The following GBE1 variants were observed in gnomAD, a reference collection of about 807,000 sequenced individuals.
GBE1 encodes the protein 1,4-alpha-glucan-branching enzyme.
GBE1 carries 70 observed loss-of-function variants against 88.8 expected under a neutral mutation model. That is an observed-to-expected ratio of 0.79 (90% CI 0.65 to 0.96). GBE1 has a LOEUF of 0.96. GBE1 is among the 40% of genes least tolerant of loss of function. The pLI, the probability that GBE1 is intolerant of heterozygous loss-of-function variation, is 0.00. For missense variants in GBE1, 872 were observed against 871.0 expected (o/e 1.00, Z -0.01); for synonymous variants, 284 against 300.1 (o/e 0.95, Z 0.56).
intron 7 of GBE1, among the ~76,000 whole-genome samples, chr3:81,621,016 C>T (rs1035765705): frequency 4.6e-5 from 7 of 152,276 alleles, no homozygotes; most frequent in South Asian, 2.1e-4. Flanking sequence ...AAGGACCTCA[C>T]GGAGGCGGGC....
At chr3:81,597,558 C>T (rs926954683) in intron 7 of GBE1, among the ~76,000 whole-genome samples, 6 of 148,280 alleles carry the variant, frequency 4.0e-5, no homozygotes. Context: ...TAGCTCTTAG[C>T]TTTATATCTT....
intron 14 of GBE1, among the ~76,000 whole-genome samples, chr3:81,517,031 T>C (rs530310773): frequency 3.3e-5 from 5 of 151,540 alleles, no homozygotes; most frequent in Non-Finnish European, 7.4e-5. Flanking sequence ...GTAATCTTTA[T>C]CAACTAAGTG....
chr3:81,656,869 A>G lies in GBE1; in HGVS notation c.430-6948T>C, dbSNP rs547770023. Among the ~76,000 whole-genome samples the G allele has an allele frequency of 6.8e-4, 104 of 152,230 alleles. 2 individuals carry two copies. Among genetic ancestry groups the G allele is most frequent in the African/African-American group, 2.3e-3 (96 of 41,564 alleles). ...GAGAGAAGGGACTTTAAAAATGTGAATTTGTGCCCGGGTGTGTGGCTCACG... is the reference window on the plus strand; with the variant it reads ...GAGAGAAGGGACTTTAAAAATGTGAGTTTGTGCCCGGGTGTGTGGCTCACG... On this transcript the variant is annotated intron_variant, in intron 3 of 15. Coordinates refer to ENST00000429644, the MANE Select transcript of GBE1 (RefSeq NM_000158.4).
chr3:81,722,048 C>A (rs1345179890), intron 1 of GBE1, among the ~76,000 whole-genome samples: 2 of 152,142 alleles, frequency 1.3e-5, no homozygotes, highest in Non-Finnish European at 2.9e-5. Flanking sequence ...CAGTAATCAT[C>A]ATCATTGTAA....
intron 7 of GBE1, among the ~76,000 whole-genome samples, chr3:81,601,165 AG>A (rs1704028259): frequency 6.6e-6 from 1 of 152,142 alleles, no homozygotes; most frequent in African/African-American, 2.4e-5. Flanking sequence ...GAAAAGAAAA[AG>A]GAATTCAAAG....
At chr3:81,651,486 C>T (rs1421717065) in intron 3 of GBE1, among the ~76,000 whole-genome samples, 2 of 152,076 alleles carry the variant, frequency 1.3e-5, no homozygotes, top group African/African-American at 4.8e-5. Flanking sequence ...AGCTAATCAT[C>T]GCCAGGTGTT....
chr3:81,714,544 ATATAATTCCTGTAAC>A (rs1355392149), intron 1 of GBE1, among the ~76,000 whole-genome samples: 6 of 152,284 alleles, frequency 3.9e-5, no homozygotes, highest in African/African-American at 1.4e-4. Context: ...TATAAACAAG[ATATAATTCCTGTAAC>A]TATATTAGAT....
At chr3:81,745,996 T>C (rs566179959) in intron 1 of GBE1, among the ~76,000 whole-genome samples, 3 of 152,128 alleles carry the variant, frequency 2.0e-5, no homozygotes, top group African/African-American at 7.2e-5. Flanking sequence ...TTCATTTAGA[T>C]AAAAGAAACT....
At chr3:81,723,618 C>T (rs1034831795) in intron 1 of GBE1, among the ~76,000 whole-genome samples, 1 of 152,026 alleles carries the variant, frequency 6.6e-6, no homozygotes, top group Non-Finnish European at 1.5e-5. Context: ...GCTTCAATAC[C>T]TATTTTCCTT....
chr3:81,672,012 G>A (rs2107116511), intron 2 of GBE1, among the ~76,000 whole-genome samples: 1 of 151,924 alleles, frequency 6.6e-6, no homozygotes, highest in South Asian at 2.1e-4. Flanking sequence ...ATTCAGGAGA[G>A]GACACTTGAA....
chr3:81,500,634 TG>T (rs1212731681), intron 14 of GBE1, among the ~76,000 whole-genome samples: 1 of 152,190 alleles, frequency 6.6e-6, no homozygotes, highest in East Asian at 1.9e-4. Context: ...TCAAAAGCAA[TG>T]GTTCCCAACC....
chr3:81,736,020 G>A (rs1478212809), intron 1 of GBE1, among the ~76,000 whole-genome samples: 1 of 152,092 alleles, frequency 6.6e-6, no homozygotes, highest in Non-Finnish European at 1.5e-5. Flanking sequence ...TATCCATGAA[G>A]CCAAAGCACT....
At chr3:81,701,374 A>G (rs1406989166) in intron 2 of GBE1, among the ~76,000 whole-genome samples, 2 of 152,168 alleles carry the variant, frequency 1.3e-5, no homozygotes, top group African/African-American at 4.8e-5. Flanking sequence ...CTGTTTTCCT[A>G]CTAGTTTTTT....
intron 12 of GBE1, among the ~76,000 whole-genome samples, chr3:81,550,014 G>A (rs1488241376): frequency 6.6e-6 from 1 of 151,290 alleles, no homozygotes; most frequent in African/African-American, 2.4e-5. Context: ...GAAATAAAAA[G>A]GATGAGTAAT....
intron 1 of GBE1, chr3:81,743,538 G>T (rs1487120185): frequency 2.7e-6 from 4 of 1,508,376 alleles, no homozygotes; most frequent in East Asian, 2.5e-5. Context: ...CAAAAATAAT[G>T]CAAGTCATAA....
intron 12 of GBE1, among the ~76,000 whole-genome samples, chr3:81,574,369 T>C (rs1421520597): frequency 6.6e-6 from 1 of 152,146 alleles, no homozygotes; most frequent in Non-Finnish European, 1.5e-5. Context: ...TATATAAGTA[T>C]AACAGTATTA....
intron 7 of GBE1, among the ~76,000 whole-genome samples, chr3:81,633,058 C>G (rs1704538880): frequency 6.6e-6 from 1 of 152,134 alleles, no homozygotes; most frequent in Non-Finnish European, 1.5e-5. Context: ...GCTTGACATC[C>G]TTTTAAAAAT....
chr3:81,718,495 C>G (rs569769340), intron 1 of GBE1, among the ~76,000 whole-genome samples: 2 of 152,130 alleles, frequency 1.3e-5, no homozygotes, highest in African/African-American at 4.8e-5. Context: ...GATGAGAAAA[C>G]TGAAGAGGTT....
At chr3:81,574,699 C>T (rs1703621061) in intron 12 of GBE1, among the ~76,000 whole-genome samples, 1 of 152,160 alleles carries the variant, frequency 6.6e-6, no homozygotes, top group Non-Finnish European at 1.5e-5. Flanking sequence ...AGGCATGTCC[C>T]TATATGTCTC....
Sources: allele counts gnomAD v4.1 joint callset (sites outside exome capture counted in the v4.1 genomes callset), GRCh38; gene constraint gnomAD v4.1.1; transcripts MANE v1.5; gene names NCBI Gene and HGNC (gene_info 2026-07-23, HGNC 2026-07-21).